Variants in PSIP1 observed in about 807,000 individuals in gnomAD.
The protein encoded by PSIP1 is PC4 and SFRS1-interacting protein.
PSIP1 carries 19 observed loss-of-function variants against 74.7 expected under a neutral mutation model. That is an observed-to-expected ratio of 0.25 (90% CI 0.18 to 0.37). The LOEUF is 0.37. Ranked by LOEUF, PSIP1 falls within the 10% of genes least tolerant of loss-of-function variation. PSIP1 has a pLI of 1.00. For synonymous variants in PSIP1, 222 were observed against 195.3 expected, an observed-to-expected ratio of 1.14 and a Z score of -1.14; for missense variants, 601 against 614.3, an observed-to-expected ratio of 0.98 and a Z score of 0.23.
At chr9:15,485,601 G>T (rs187083878) in intron 6 of PSIP1, among the ~76,000 whole-genome samples, 1 of 148,064 alleles carries the variant, frequency 6.8e-6, no homozygotes. Context: ...TTCTCACAAC[G>T]TGAAGTAACA....
intron 3 of PSIP1, among the ~76,000 whole-genome samples, chr9:15,495,654 T>C (rs1488972189): frequency 6.6e-6 from 1 of 152,138 alleles, no homozygotes; most frequent in East Asian, 1.9e-4. Context: ...CTTCTATGCC[T>C]TGGCAAACTG....
At chr9:15,507,950 G>A (rs1242058666) in intron 2 of PSIP1, among the ~76,000 whole-genome samples, 3 of 152,192 alleles carry the variant, frequency 2.0e-5, no homozygotes, top group African/African-American at 7.2e-5. Flanking sequence ...TTGTGGGAAT[G>A]TCCCGATAAT....
chr9:15,499,789 G>A (rs1279305439), intron 3 of PSIP1, among the ~76,000 whole-genome samples: 1 of 150,542 alleles, frequency 6.6e-6, no homozygotes, highest in Non-Finnish European at 1.5e-5. Flanking sequence ...CAGGAGAATC[G>A]CTTGAACCCG....
In PSIP1 at chr9:15,466,819, A is replaced by G; in HGVS notation, c.1461T>C (p.Gly487=). The G allele has an allele frequency of 6.2e-7, 1 of 1,613,434 alleles. No individual in the cohort carries two copies. Reference sequence around the variant, plus strand: ...TCTCCCCGTTATGTTGTGGCTGATTACCATCTTGAGCATCAGATCCTCCAT... The same window carrying G: ...TCTCCCCGTTATGTTGTGGCTGATTGCCATCTTGAGCATCAGATCCTCCAT... ...TLNGGSDAQD[G]NQPQHNGESN... Residue 487 remains glycine, a synonymous_variant, in exon 15 of 16, where the codon GGT becomes GGC. Transcript: ENST00000380733.
At chr9:15,492,512 T>C (rs1243278583) in intron 3 of PSIP1, among the ~76,000 whole-genome samples, 1 of 152,208 alleles carries the variant, frequency 6.6e-6, no homozygotes, top group Non-Finnish European at 1.5e-5. Flanking sequence ...TGGTGTTGAA[T>C]GTCTGCAGCT....
rs762294343 is a variant in PSIP1, at chr9:15,469,340, C to A, written c.1034-4G>T. Reference sequence around the variant, plus strand: ...AGTCGAGAATCCATTGATGTTTCTACAAATTAAAATATGTGAAAAACAGTG... The same window carrying A: ...AGTCGAGAATCCATTGATGTTTCTAAAAATTAAAATATGTGAAAAACAGTG... On this transcript the variant is annotated splice_polypyrimidine_tract_variant and splice_region_variant and intron_variant, in intron 11 of 15. Transcript: ENST00000380733. The A allele has an allele frequency of 5.8e-6, 9 of 1,543,710 alleles. No homozygotes were observed. The highest frequency in any genetic ancestry group is 7.9e-6 in the Non-Finnish European group (9 of 1,135,144).
chr9:15,510,473 G>A (rs943067724), intron 1 of PSIP1, 144 bp from the exon 2 acceptor site: 2 of 382,108 alleles, frequency 5.2e-6, no homozygotes, highest in East Asian at 8.8e-5. Context: ...CGCTGCCTCC[G>A]CGCTGGAGCA....
At chr9:15,467,494 C>G (rs544786918) in intron 14 of PSIP1, among the ~76,000 whole-genome samples, 38 of 152,298 alleles carry the variant, frequency 2.5e-4, no homozygotes, top group African/African-American at 8.9e-4. Flanking sequence ...TACTATGATT[C>G]TGTTTTAAGA....
chr9:15,493,740 C>G (rs1450479229), intron 3 of PSIP1, among the ~76,000 whole-genome samples: 1 of 152,212 alleles, frequency 6.6e-6, no homozygotes, highest in South Asian at 2.1e-4. Flanking sequence ...ATGCCAGACA[C>G]TTATGAAACC....
intron 5 of PSIP1, among the ~76,000 whole-genome samples, chr9:15,486,449 C>T (rs1228101338): frequency 1.3e-5 from 2 of 152,140 alleles, no homozygotes; most frequent in Non-Finnish European, 2.9e-5. Flanking sequence ...CTAAATGAGT[C>T]ATCTTTACAC....
chr9:15,469,224 A>G lies in PSIP1; in HGVS notation c.1104+42T>C, dbSNP rs376150974. ...ATGTGAGAAAATAAAAGATGAAGCT[A>G]TAAATGCAGTACTGAAGTATTAAAT... On this transcript the variant is annotated intron_variant, in intron 12 of 15. Coordinates refer to ENST00000380733, the MANE Select transcript of PSIP1 (RefSeq NM_033222.5). 1,165 of 1,366,858 alleles carry G rather than the reference A, an allele frequency of 8.5e-4. 3 individuals carry two copies. Among genetic ancestry groups the G allele is most frequent in the South Asian group, 1.7e-3 (135 of 77,520 alleles). 84.7% of individuals were successfully genotyped at this position (1,366,858 alleles called of 1,614,324 possible).
At chr9:15,486,267 G>GT (rs1347933892) in intron 5 of PSIP1, among the ~76,000 whole-genome samples, 199 bp from the exon 6 acceptor site, 4 of 152,172 alleles carry the variant, frequency 2.6e-5, no homozygotes, top group Non-Finnish European at 4.4e-5. Context: ...CAGATCAAAT[G>GT]TAAGTCATGG....
chr9:15,469,039 T>G lies in PSIP1; in HGVS notation c.1124A>C (p.Glu375Ala). 1 of 1,613,852 alleles carries G rather than the reference T, an allele frequency of 6.2e-7. No homozygotes were observed. Among genetic ancestry groups the G allele is most frequent in the Non-Finnish European group, 8.5e-7 (1 of 1,179,864 alleles). Reference protein sequence around the residue: ...IDNLDVNRCIEALDELASLQV... With the variant: ...IDNLDVNRCIAALDELASLQV... ...AAGTGAAGCAAGTTCATCCAAGGCC[T>G]CAATGCATCTGTTCACATCCTTCAT... Residue 375 changes from glutamate to alanine, a missense_variant, in exon 13 of 16, where the codon GAG becomes GCG. Glu to Ala is a moderately radical substitution (Grantham distance 107). Coordinates refer to ENST00000380733, the MANE Select transcript of PSIP1 (RefSeq NM_033222.5).
chr9:15,488,970 A>G (rs551002981), intron 4 of PSIP1, among the ~76,000 whole-genome samples: 28 of 152,268 alleles, frequency 1.8e-4, no homozygotes, highest in Admixed American at 5.9e-4. Flanking sequence ...ACAGTGAGCC[A>G]AGATAGAGCC....
At chr9:15,501,012 A>C (rs1377712833) in intron 3 of PSIP1, among the ~76,000 whole-genome samples, 1 of 152,200 alleles carries the variant, frequency 6.6e-6, no homozygotes, top group Non-Finnish European at 1.5e-5. Context: ...TTAAATAAAT[A>C]ATAGCCAAGC....
intron 3 of PSIP1, among the ~76,000 whole-genome samples, chr9:15,504,520 G>C (rs916358916): frequency 6.6e-6 from 1 of 152,020 alleles, no homozygotes; most frequent in Non-Finnish European, 1.5e-5. Context: ...GGCAGATCAC[G>C]AGGTCAGGAG....
intron 13 of PSIP1, 56 bp from the exon 14 acceptor site, chr9:15,468,899 A>C: frequency 1.2e-6 from 2 of 1,604,056 alleles, no homozygotes; most frequent in South Asian, 1.1e-5. Context: ...TTTTTAAACA[A>C]TTTTTAAATG....
chr9:15,484,065 G>C (rs1456502017), intron 6 of PSIP1, among the ~76,000 whole-genome samples: 1 of 150,178 alleles, frequency 6.7e-6, no homozygotes, highest in Non-Finnish European at 1.5e-5. Context: ...CCGGGAGGTG[G>C]AGGTTGCAGT....
chr9:15,466,934 A>G, intron 14 of PSIP1, 75 bp from the exon 15 acceptor site: 1 of 1,119,326 alleles, frequency 8.9e-7, no homozygotes, highest in Non-Finnish European at 1.3e-6. Context: ...CTAAAGATCC[A>G]GAATCAAAAT....
Sources: gnomAD v4.1 joint callset for allele counts (sites outside exome capture counted in the v4.1 genomes callset) on GRCh38, gnomAD v4.1.1 for gene constraint, MANE v1.5 for transcripts, NCBI Gene and HGNC (gene_info 2026-07-23, HGNC 2026-07-21) for gene names.